Variants in EFR3B observed in about 807,000 individuals in gnomAD.
EFR3B encodes EFR3 homolog B, also known as protein EFR3 homolog B.
EFR3B carries 64 observed loss-of-function variants against 104.7 expected under a neutral mutation model. That is an observed-to-expected ratio of 0.61 (90% confidence interval 0.50 to 0.75). EFR3B has a LOEUF of 0.75. Ranked by LOEUF, EFR3B falls within the 30% of genes least tolerant of loss-of-function variation. The pLI is 0.00. For missense variants in EFR3B, 750 were observed against 1,078.5 expected, an observed-to-expected ratio of 0.70 and a Z score of 4.27; for synonymous variants, 385 against 417.9, an observed-to-expected ratio of 0.92 and a Z score of 0.96.
chr2:25,108,405 A>G (rs1669625176), intron 4 of EFR3B, among the ~76,000 whole-genome samples: 1 of 152,222 alleles, frequency 6.6e-6, no homozygotes, highest in Non-Finnish European at 1.5e-5. Context: ...ATTAAATCTG[A>G]TGATGCCAAG....
intron 11 of EFR3B, 78 bp from the exon 12 acceptor site, chr2:25,133,304 TG>T: frequency 7.0e-7 from 1 of 1,436,446 alleles, no homozygotes; most frequent in Non-Finnish European, 9.6e-7. Context: ...AGAAACGAAT[TG>T]GGGTAGAACT....
intron 4 of EFR3B, among the ~76,000 whole-genome samples, chr2:25,117,472 G>A (rs2149198645): frequency 6.6e-6 from 1 of 151,452 alleles, no homozygotes; most frequent in East Asian, 1.9e-4. Context: ...GAGTGCAATG[G>A]TGCAATCTCG....
chr2:25,052,205 A>T (rs1177042122), intron 1 of EFR3B, among the ~76,000 whole-genome samples: 1 of 151,898 alleles, frequency 6.6e-6, no homozygotes, highest in East Asian at 2.0e-4. Context: ...TCAAAAAATA[A>T]AAATAAATAA....
At chr2:25,080,512 C>A in intron 1 of EFR3B, 1 of 481,926 alleles carries the variant, frequency 2.1e-6, no homozygotes. Flanking sequence ...CCAGACTGTT[C>A]TTGACCTCCT....
intron 15 of EFR3B, among the ~76,000 whole-genome samples, chr2:25,138,204 T>G (rs1211018710): frequency 6.6e-6 from 1 of 152,124 alleles, no homozygotes; most frequent in Non-Finnish European, 1.5e-5. Flanking sequence ...AAAAAAAGAT[T>G]CTCTAGTTCC....
Position 25,042,127 on chromosome 2 carries a change from TG to T in EFR3B, c.-183del. 2.4e-6 allele frequency: 1 copy of T among 415,062 alleles called. No individual in the cohort carries two copies. The highest frequency in any genetic ancestry group is 3.8e-6 in the Non-Finnish European group (1 of 264,446). The allele number at this position is 415,062 out of a possible 1,614,324, so 25.7% of individuals were successfully genotyped here. ...GCGGCCGCTGCAGCCCGGCGCTGAA[TG>T]GGCTGGCGGCGCCCGGCTCCGTCCT... On this transcript the variant is annotated 5_prime_UTR_variant, in exon 1 of 23. It removes the in-frame stop codon of an upstream open reading frame in the 5' UTR. Transcript: ENST00000403714. The surrounding 1 kb of genome is among the most constrained non-coding windows in gnomAD (Gnocchi z 5.4).
At chr2:25,151,655 G>A (rs186477932) in intron 20 of EFR3B, among the ~76,000 whole-genome samples, 1 of 152,236 alleles carries the variant, frequency 6.6e-6, no homozygotes, top group Non-Finnish European at 1.5e-5. Context: ...ACTTGGGGCT[G>A]TAAGAGCCCC....
At chr2:25,101,702 A>G (rs914835493) in intron 3 of EFR3B, among the ~76,000 whole-genome samples, 2 of 152,172 alleles carry the variant, frequency 1.3e-5, no homozygotes, top group African/African-American at 4.8e-5. Flanking sequence ...CCTCACAGCA[A>G]GAGAGACTGG....
In EFR3B at chr2:25,132,917, A is replaced by G. The variant is rs1246340076; in HGVS notation, c.1162A>G (p.Thr388Ala). Residue 388 changes from threonine (T) to alanine (A), a missense_variant, in exon 11 of 23, where the codon ACG becomes GCG. Transcript: ENST00000403714. ...ACCTCCTGCAGGCTCCTTTGCCAGCACGCTGCCCACCTACCAGCGCTCCGA... is the reference window on the plus strand; with the variant it reads ...ACCTCCTGCAGGCTCCTTTGCCAGCGCGCTGCCCACCTACCAGCGCTCCGA... ...VIKTVGSFAS[T>A]LPTYQRSEVI... is the part of the protein sequence containing the mutation. 1 of 1,550,848 alleles carries G rather than the reference A, an allele frequency of 6.4e-7. No homozygotes were observed. The highest frequency in any genetic ancestry group is 8.7e-7 in the Non-Finnish European group (1 of 1,146,928).
intron 12 of EFR3B, among the ~76,000 whole-genome samples, chr2:25,135,251 C>T (rs1282445454): frequency 6.6e-6 from 1 of 152,150 alleles, no homozygotes; most frequent in Non-Finnish European, 1.5e-5. Flanking sequence ...CACGCTGTCC[C>T]CATCCATTCA....
intron 4 of EFR3B, among the ~76,000 whole-genome samples, chr2:25,115,278 T>G (rs1398370760): frequency 6.6e-6 from 1 of 152,198 alleles, no homozygotes; most frequent in African/African-American, 2.4e-5. Flanking sequence ...CTCAGAAATC[T>G]GTATTTTAAA....
At chr2:25,045,652 G>A (rs1476646255) in intron 1 of EFR3B, among the ~76,000 whole-genome samples, 1 of 152,046 alleles carries the variant, frequency 6.6e-6, no homozygotes, top group Non-Finnish European at 1.5e-5. Context: ...CGTGGTGGCA[G>A]GTACCTGTAA....
At chr2:25,113,288 C>G (rs967026012) in intron 4 of EFR3B, among the ~76,000 whole-genome samples, 5 of 152,188 alleles carry the variant, frequency 3.3e-5, no homozygotes, top group African/African-American at 4.8e-5. Context: ...TTCATGATCT[C>G]ATGCATTAGA....
chr2:25,075,312 GC>G (rs1190934274), intron 1 of EFR3B, among the ~76,000 whole-genome samples: 3 of 152,146 alleles, frequency 2.0e-5, no homozygotes, highest in Non-Finnish European at 2.9e-5. Flanking sequence ...ACCTCTGTGA[GC>G]CCTGGTTTTC....
chr2:25,059,572 CGGGG>C (rs56219617), intron 1 of EFR3B, among the ~76,000 whole-genome samples: 669 of 60,244 alleles, frequency 0.011, 36 homozygotes, highest in East Asian at 0.055. Flanking sequence ...CCAGGGACTG[CGGGG>C]GGGGGGGGGG....
At position 25,154,402 on chromosome 2, in the gene EFR3B, C is replaced by A. The variant is rs1573243944; in HGVS notation, c.*62C>A. 2 of 1,401,086 alleles carry A rather than the reference C, an allele frequency of 1.4e-6. No individual in the cohort carries two copies. Among genetic ancestry groups the A allele is most frequent in the African/African-American group, 1.4e-5 (1 of 69,608 alleles). The allele number at this position is 1,401,086 out of a possible 1,614,324, so 86.8% of individuals were successfully genotyped here. A position where few individuals can be genotyped will look rare whatever the true frequency, so the allele number is the denominator to read the frequency against. On this transcript the variant is annotated 3_prime_UTR_variant, in exon 23 of 23. Transcript: ENST00000403714. This position sits in a 1 kb window ranked among gnomAD's most constrained non-coding sequence, Gnocchi z 4.1. ...TGAGGAGGGGCTCACCTCACGCCCA[C>A]CCCGACCACATGGAGATCTGGCTGT... is the stretch of plus-strand genomic sequence containing the variant.
Position 25,114,190 on chromosome 2 carries a change from T to C in EFR3B, c.364-7483T>C, listed in dbSNP as rs1358078384. On this transcript the variant is annotated intron_variant, in intron 4 of 22. Transcript: ENST00000403714. The surrounding 1 kb of genome is among the most constrained non-coding windows in gnomAD (Gnocchi z 4.0). ...ACCCTCTGAATCACTGTCACCAAAATTTCCAGCTTGGCCCCCTCATGTCAA... is the reference window on the plus strand; with the variant it reads ...ACCCTCTGAATCACTGTCACCAAAACTTCCAGCTTGGCCCCCTCATGTCAA... 1.3e-5 allele frequency among the ~76,000 whole-genome samples: 2 copies of C among 152,106 alleles called. No individual in the cohort carries two copies. Among genetic ancestry groups the C allele is most frequent in the Non-Finnish European group, 2.9e-5 (2 of 68,020 alleles).
Position 25,131,777 on chromosome 2 carries a change from C to T in EFR3B, c.1013C>T (p.Thr338Met). ...CCCACAGTACTGGAGATGTTCAACACGCTGCTGAGGCAGCTGCGGCTCAGC... is the reference window on the plus strand; with the variant it reads ...CCCACAGTACTGGAGATGTTCAACATGCTGCTGAGGCAGCTGCGGCTCAGC... ...VGPTVLEMFNTLLRQLRLSID... is the reference protein window; with the variant it reads ...VGPTVLEMFNMLLRQLRLSID... The change falls in exon 10 of 23, where the codon ACG becomes ATG. Residue 338 changes from threonine (T) to methionine (M), a missense_variant. By Grantham distance (81) the Thr-to-Met change is moderately conservative (BLOSUM62 -1). Coordinates refer to ENST00000403714, the MANE Select transcript of EFR3B (RefSeq NM_014971.2). The surrounding 1 kb of genome is among the most constrained non-coding windows in gnomAD (Gnocchi z 7.6). 1 of 1,538,186 alleles carries T rather than the reference C, an allele frequency of 6.5e-7. No homozygotes were observed. Among genetic ancestry groups the T allele is most frequent in the Non-Finnish European group, 8.8e-7 (1 of 1,140,798 alleles).
chr2:25,113,599 T>C (rs6760486), intron 4 of EFR3B, among the ~76,000 whole-genome samples: 21,073 of 142,946 alleles, frequency 0.15, 3,115 homozygotes, highest in African/African-American at 0.38. Flanking sequence ...ACCTGGGAGG[T>C]GGAGCTTGCA....
Sources: allele counts gnomAD v4.1 joint callset (sites outside exome capture counted in the v4.1 genomes callset), GRCh38; gene constraint gnomAD v4.1.1; non-coding constraint Gnocchi (gnomAD v3.1); transcripts MANE v1.5; gene names NCBI Gene and HGNC (gene_info 2026-07-23, HGNC 2026-07-21).